RGL1: variants seen among roughly 807,000 people sequenced by gnomAD.
The protein encoded by RGL1 is ral guanine nucleotide dissociation stimulator like 1, also known as ral guanine nucleotide dissociation stimulator-like 1.
In RGL1, 24 loss-of-function variants were observed where a neutral mutation model predicts 95.2. The ratio of observed to expected loss-of-function variants is 0.25; its 90% CI spans 0.18 to 0.35. RGL1 has a LOEUF of 0.35. Among genes scored for constraint, RGL1 ranks in the 10% least tolerant of loss-of-function variants. The probability of loss-of-function intolerance (pLI) is 1.00; values close to 1 mark genes in which losing one functional copy is unlikely to be tolerated. For missense variants in RGL1, 715 were observed against 936.3 expected, an observed-to-expected ratio of 0.76 and a Z score of 3.08; for synonymous variants, 329 against 344.9, an observed-to-expected ratio of 0.95 and a Z score of 0.51.
intron 1 of RGL1, among the ~76,000 whole-genome samples, chr1:183,641,868 A>C (rs12048186): frequency 0.069 from 10,453 of 152,198 alleles, 630 homozygotes; most frequent in African/African-American, 0.16. Context: ...TTCTTGAATC[A>C]ATTTTAGAAT....
At chr1:183,672,953 G>A (rs548749812) in intron 1 of RGL1, among the ~76,000 whole-genome samples, 189 of 152,300 alleles carry the variant, frequency 1.2e-3, no homozygotes, top group African/African-American at 4.0e-3. Context: ...TGTTACATAG[G>A]TAAACATGTG....
intron 1 of RGL1, among the ~76,000 whole-genome samples, chr1:183,683,148 T>C (rs199980822): frequency 6.6e-6 from 1 of 152,228 alleles, no homozygotes. Flanking sequence ...GTCTTTTAAT[T>C]GGGGCATTTA....
At chr1:183,682,689 G>C (rs1311020890) in intron 1 of RGL1, among the ~76,000 whole-genome samples, 1 of 152,122 alleles carries the variant, frequency 6.6e-6, no homozygotes, top group Non-Finnish European at 1.5e-5. Flanking sequence ...AGATGTGCTT[G>C]GTCCAGAGCT....
intron 3 of RGL1, among the ~76,000 whole-genome samples, chr1:183,862,794 G>A (rs1344731348): frequency 6.6e-6 from 1 of 152,136 alleles, no homozygotes; most frequent in Non-Finnish European, 1.5e-5. Context: ...TGGGTGCCAG[G>A]CACTAAAGAG....
chr1:183,913,985 G>A (rs754461341), intron 15 of RGL1, among the ~76,000 whole-genome samples: 4 of 152,152 alleles, frequency 2.6e-5, no homozygotes, highest in East Asian at 1.9e-4. Flanking sequence ...TCCTCAACCC[G>A]GGATGTAGTC....
intron 8 of RGL1, 100 bp from the exon 9 acceptor site, chr1:183,891,977 C>A: frequency 2.4e-6 from 2 of 824,300 alleles, no homozygotes; most frequent in Non-Finnish European, 4.0e-6. Flanking sequence ...GAGATCAGCA[C>A]AGTCCCTCCT....
intron 1 of RGL1, among the ~76,000 whole-genome samples, chr1:183,704,598 T>C (rs1169291334): frequency 6.6e-6 from 1 of 152,200 alleles, no homozygotes; most frequent in Admixed American, 6.5e-5. Flanking sequence ...GTATAAGAAA[T>C]GTTTGAACAG....
intron 1 of RGL1, among the ~76,000 whole-genome samples, chr1:183,727,679 A>G (rs1656388160): frequency 6.6e-6 from 1 of 152,212 alleles, no homozygotes; most frequent in Non-Finnish European, 1.5e-5. Context: ...CACAGATGAC[A>G]TGATCAAGCA....
chr1:183,843,809 G>A (rs1189528184), intron 2 of RGL1, among the ~76,000 whole-genome samples: 2 of 141,916 alleles, frequency 1.4e-5, no homozygotes, highest in East Asian at 4.0e-4. Flanking sequence ...TAACATTGAA[G>A]TATATTTTCA....
At chr1:183,898,393 G>A (rs1047040400) in intron 10 of RGL1, among the ~76,000 whole-genome samples, 1 of 152,134 alleles carries the variant, frequency 6.6e-6, no homozygotes, top group Non-Finnish European at 1.5e-5. Context: ...TAATCCCAAG[G>A]CTAACCAAAT....
intron 2 of RGL1, among the ~76,000 whole-genome samples, chr1:183,777,557 C>G (rs75884571): frequency 0.013 from 2,033 of 152,250 alleles, 44 homozygotes; most frequent in African/African-American, 0.047. Flanking sequence ...AATAAGCGGT[C>G]CAGATAATTC....
chr1:183,767,911 C>T (rs1012886396), intron 2 of RGL1, among the ~76,000 whole-genome samples: 2 of 152,130 alleles, frequency 1.3e-5, no homozygotes, highest in African/African-American at 4.8e-5. Flanking sequence ...TGAGACAGTG[C>T]CACTGCACTG....
intron 2 of RGL1, among the ~76,000 whole-genome samples, chr1:183,839,352 C>T (rs1663879307): frequency 6.6e-6 from 1 of 152,146 alleles, no homozygotes; most frequent in Non-Finnish European, 1.5e-5. Flanking sequence ...ATAGGTGACA[C>T]CATTACCTTT....
At chr1:183,865,910 C>T (rs1665800705) in intron 3 of RGL1, 86 bp from the exon 4 acceptor site, 1 of 871,702 alleles carries the variant, frequency 1.1e-6, no homozygotes, top group Non-Finnish European at 1.9e-6. Flanking sequence ...AAAAGTATAA[C>T]TGTCACTTTG....
intron 1 of RGL1, among the ~76,000 whole-genome samples, chr1:183,649,356 A>C (rs1284569070): frequency 6.6e-6 from 1 of 152,254 alleles, no homozygotes; most frequent in Non-Finnish European, 1.5e-5. Context: ...TTATAAAAGT[A>C]CAAAAAAGTG....
chr1:183,691,325 C>G (rs1242065884), intron 1 of RGL1, among the ~76,000 whole-genome samples: 3 of 152,112 alleles, frequency 2.0e-5, no homozygotes, highest in Non-Finnish European at 4.4e-5. Flanking sequence ...ACTAATATAT[C>G]AGAGATAGGA....
chr1:183,854,759 C>T (rs1339096434), intron 3 of RGL1, among the ~76,000 whole-genome samples: 1 of 152,084 alleles, frequency 6.6e-6, no homozygotes. Flanking sequence ...GTTTTGCACT[C>T]CTTACTTGCT....
Position 183,648,657 on chromosome 1 carries a change from C to T in RGL1, c.-33+12156C>T, listed in dbSNP as rs1435250522. Reference sequence around the variant, plus strand: ...CTGACAAAATTCTGTGAGGGAAACTCTTGCTTCTTCACCTGTTCGAATATG... The same window carrying T: ...CTGACAAAATTCTGTGAGGGAAACTTTTGCTTCTTCACCTGTTCGAATATG... On this transcript the variant is annotated intron_variant, in intron 1 of 18. Coordinates refer to the RGL1 transcript ENST00000304685. The T allele has an allele frequency of 5.0e-6, 8 of 1,614,092 alleles. No homozygotes were observed. The Admixed American group carries it at 1.2e-4, about 24-fold the overall frequency.
intron 2 of RGL1, among the ~76,000 whole-genome samples, chr1:183,814,819 A>G (rs1661974507): frequency 6.6e-6 from 1 of 152,244 alleles, no homozygotes; most frequent in African/African-American, 2.4e-5. Flanking sequence ...CATTCTTATT[A>G]TGCCCATAAC....
Sources: allele counts gnomAD v4.1 joint callset (sites outside exome capture counted in the v4.1 genomes callset), GRCh38; gene constraint gnomAD v4.1.1; transcripts MANE v1.5; gene names NCBI Gene and HGNC (gene_info 2026-07-23, HGNC 2026-07-21).